Variants in WNK2 observed in about 807,000 individuals in gnomAD.
The protein encoded by WNK2 is WNK lysine deficient protein kinase 2, also known as serine/threonine-protein kinase WNK2.
Under a neutral mutation model 192.1 loss-of-function variants are expected in WNK2, and 67 were observed. That is an observed-to-expected ratio of 0.35 (90% CI 0.29 to 0.43). The LOEUF is 0.43. Among genes scored for constraint, WNK2 ranks in the 20% least tolerant of loss-of-function variants. The pLI, the probability that WNK2 is intolerant of heterozygous loss-of-function variation, is 1.00. For missense variants in WNK2, 2,698 were observed against 3,089.7 expected (o/e 0.87, Z 3.01); for synonymous variants, 1,439 against 1,393.9 (o/e 1.03, Z -0.72).
rs781555142 is a variant in WNK2, at chr9:93,257,067, G to A, written c.2310G>A (p.Gly770=). 5 of 1,606,790 alleles carry A rather than the reference G, an allele frequency of 3.1e-6. No individual in the cohort carries two copies. In the East Asian group the frequency reaches 9.0e-5, roughly 29 times the overall value. The change falls in exon 11 of 30, where the codon GGG becomes GGA. Residue 770 remains glycine (G), a synonymous_variant. Transcript: ENST00000427277. This position sits in a 1 kb window ranked among gnomAD's most constrained non-coding sequence, Gnocchi z 4.7. ...ACCTGGCTCCAGCCTCCCAGGTGGGGGCCCCCGCTCAGCTGAAGCCCCTCC... is the reference window on the plus strand; with the variant it reads ...ACCTGGCTCCAGCCTCCCAGGTGGGAGCCCCCGCTCAGCTGAAGCCCCTCC... ...PPYLAPASQV[G]APAQLKPLQM...
chr9:93,185,304 C>T lies in WNK2; in HGVS notation c.375C>T (p.Gly125=), dbSNP rs918927375. The T allele has an allele frequency of 3.3e-6, 5 of 1,505,326 alleles. No individual in the cohort carries two copies. In the African/African-American group the frequency reaches 7.0e-5, roughly 21 times the overall value. The allele number at this position is 1,505,326 out of a possible 1,614,324, so 93.2% of individuals were successfully genotyped here. A position where few individuals can be genotyped will look rare whatever the true frequency, so the allele number is the denominator to read the frequency against. ...GPEPVGTQEP[G]PDPIAAAVET... is the part of the protein sequence containing the mutation. ...AGCCCGTGGGCACGCAGGAGCCCGG[C>T]CCGGACCCCATCGCAGCCGCTGTCG... The change falls in exon 2 of 30, where the codon GGC becomes GGT. Residue 125 remains glycine (G), a synonymous_variant. Coordinates refer to ENST00000427277, the MANE Select transcript of WNK2 (RefSeq NM_006648.4).
chr9:93,293,205 G>C, intron 23 of WNK2, 32 bp downstream of exon 23: 1 of 1,414,022 alleles, frequency 7.1e-7, no homozygotes. Flanking sequence ...TGTTGCCCCC[G>C]CCCCTGGGCC....
At chr9:93,312,595 G>T (rs1853859947) in intron 28 of WNK2, among the ~76,000 whole-genome samples, 1 of 152,000 alleles carries the variant, frequency 6.6e-6, no homozygotes, top group Non-Finnish European at 1.5e-5. Flanking sequence ...GGCCAGGATG[G>T]TCTCGATCCC....
In WNK2 at chr9:93,259,521, G is replaced by A; in HGVS notation, c.2973G>A (p.Val991=). 1 of 1,579,468 alleles carries A rather than the reference G, an allele frequency of 6.3e-7. No homozygotes were observed. The highest frequency in any genetic ancestry group is 8.5e-7 in the Non-Finnish European group (1 of 1,169,980). Residue 991 remains valine, a synonymous_variant, in exon 12 of 30, where the codon GTG becomes GTA. Coordinates refer to ENST00000427277, the MANE Select transcript of WNK2 (RefSeq NM_006648.4). This position sits in a 1 kb window ranked among gnomAD's most constrained non-coding sequence, Gnocchi z 4.8. ...AACCCATGCTGCCCCCACAACCTGTGCTGCCCCCGCAGCCGGCACTGCCTG... is the reference window on the plus strand; with the variant it reads ...AACCCATGCTGCCCCCACAACCTGTACTGCCCCCGCAGCCGGCACTGCCTG... ...PPQPMLPPQP[V]LPPQPALPVR...
chr9:93,236,002 A>G (rs1270015827), intron 5 of WNK2, among the ~76,000 whole-genome samples: 1 of 152,178 alleles, frequency 6.6e-6, no homozygotes, highest in African/African-American at 2.4e-5. Context: ...GTGGGAGGGC[A>G]GACAGAGTCC....
chr9:93,308,941 G>T, intron 28 of WNK2: 1 of 1,110,362 alleles, frequency 9.0e-7, no homozygotes. Flanking sequence ...CCTGAGTTCT[G>T]TTTGTGCCCA....
chr9:93,314,416 C>T (rs1854231601), intron 28 of WNK2, among the ~76,000 whole-genome samples: 1 of 151,132 alleles, frequency 6.6e-6, no homozygotes, highest in Admixed American at 6.6e-5. Context: ...CCACTGCACT[C>T]CAGCCTGGCG....
intron 21 of WNK2, among the ~76,000 whole-genome samples, chr9:93,290,786 C>T (rs1299898201): frequency 6.6e-6 from 1 of 152,254 alleles, no homozygotes; most frequent in African/African-American, 2.4e-5. Flanking sequence ...GTGGGGCTTT[C>T]CCTTGTGGCT....
chr9:93,203,835 G>A (rs968805654), intron 2 of WNK2, among the ~76,000 whole-genome samples: 4 of 152,134 alleles, frequency 2.6e-5, no homozygotes, highest in African/African-American at 7.2e-5. Context: ...GATTGAAGCC[G>A]GGGGAGGCTG....
intron 28 of WNK2, among the ~76,000 whole-genome samples, chr9:93,314,808 C>T (rs1372048975): frequency 2.0e-5 from 3 of 152,110 alleles, no homozygotes; most frequent in Non-Finnish European, 2.9e-5. Context: ...CATGGAAACT[C>T]TTGCAAAATC....
Position 93,185,425 on chromosome 9 carries a change from G to C in WNK2, c.496G>C (p.Gly166Arg), listed in dbSNP as rs746380289. ...GGCGGCCGAGGCGAAGCCTGAGCCCGGGCGCACTCGCCGGGACGAGCCCGA... is the reference window on the plus strand; with the variant it reads ...GGCGGCCGAGGCGAAGCCTGAGCCCCGGCGCACTCGCCGGGACGAGCCCGA... ...EGAAEAKPEP[G>R]RTRRDEPEEE... Residue 166 changes from glycine (G) to arginine (R), a missense_variant, in exon 2 of 30, where the codon GGG becomes CGG. Gly to Arg is a moderately radical substitution (Grantham distance 125, BLOSUM62 -2). This residue lies in a region of WNK2 where 260 missense variants were observed against 285.6 expected (regional missense o/e 0.91). Coordinates refer to ENST00000427277, the MANE Select transcript of WNK2 (RefSeq NM_006648.4). 1 of 1,610,998 alleles carries C rather than the reference G, an allele frequency of 6.2e-7. No individual in the cohort carries two copies. The highest frequency in any genetic ancestry group is 1.1e-5 in the South Asian group (1 of 90,890).
At chr9:93,251,702 T>A (rs941802686) in intron 8 of WNK2, among the ~76,000 whole-genome samples, 1 of 152,062 alleles carries the variant, frequency 6.6e-6, no homozygotes, top group Non-Finnish European at 1.5e-5. Context: ...AGTGAGACCT[T>A]GTCTCAAAAA....
intron 19 of WNK2, among the ~76,000 whole-genome samples, chr9:93,273,377 G>A (rs185467433): frequency 6.6e-6 from 1 of 152,274 alleles, no homozygotes; most frequent in Non-Finnish European, 1.5e-5. Context: ...GGATGGTCTC[G>A]ACTCTTGACC....
rs1258048881 is a variant in WNK2, at chr9:93,267,925, G to A, written c.3867+9G>A. 2 of 1,611,764 alleles carry A rather than the reference G, an allele frequency of 1.2e-6. No homozygotes were observed. Among genetic ancestry groups the A allele is most frequent in the Non-Finnish European group, 1.7e-6 (2 of 1,178,900 alleles). ...GCCTGGGCACCGGGGAGGTGAGGTT[G>A]TGAAATCCGGGGTGGGAGGTGGTGA... On this transcript the variant is annotated intron_variant, in intron 17 of 29. Transcript: ENST00000427277.
At position 93,256,405 on chromosome 9, in the gene WNK2, G is replaced by A; in HGVS notation, c.2141G>A (p.Ser714Asn). The A allele has an allele frequency of 1.3e-6, 2 of 1,546,082 alleles. No homozygotes were observed. Among genetic ancestry groups the A allele is most frequent in the South Asian group, 2.4e-5 (2 of 84,374 alleles). ...MSFAPVLPPP[S>N]TPMPTGPGQP... ...TTCGCCCCCGTGCTGCCGCCGCCCAGCACCCCCATGCCCACGGGCCCAGGC... is the reference window on the plus strand; with the variant it reads ...TTCGCCCCCGTGCTGCCGCCGCCCAACACCCCCATGCCCACGGGCCCAGGC... Residue 714 changes from serine (S) to asparagine (N), a missense_variant, in exon 10 of 30, where the codon AGC (serine) becomes AAC (asparagine). By Grantham distance (46) the Ser-to-Asn change is conservative. Coordinates refer to ENST00000427277, the MANE Select transcript of WNK2 (RefSeq NM_006648.4).
intron 5 of WNK2, 78 bp downstream of exon 5, chr9:93,235,043 G>T (rs970987578): frequency 1.3e-6 from 2 of 1,536,502 alleles, no homozygotes; most frequent in South Asian, 1.2e-5. Context: ...GCTCCATGTG[G>T]CTCTGTAAAG....
intron 2 of WNK2, among the ~76,000 whole-genome samples, chr9:93,220,697 C>A (rs1038109279): frequency 6.6e-6 from 1 of 152,164 alleles, no homozygotes; most frequent in African/African-American, 2.4e-5. Context: ...GAAGGAAGGA[C>A]CACATCTGGT....
At chr9:93,211,988 G>A (rs576227725) in intron 2 of WNK2, among the ~76,000 whole-genome samples, 1 of 151,004 alleles carries the variant, frequency 6.6e-6, no homozygotes, top group Admixed American at 6.6e-5. Context: ...CCACTCATCT[G>A]CCCCATTCAC....
In WNK2 at chr9:93,185,369, C is replaced by T; in HGVS notation, c.440C>T (p.Ala147Val). The T allele has an allele frequency of 2.5e-6, 4 of 1,574,176 alleles. No individual in the cohort carries two copies. Among genetic ancestry groups the T allele is most frequent in the Non-Finnish European group, 3.4e-6 (4 of 1,162,684 alleles). The change falls in exon 2 of 30, where the codon GCG becomes GTG. Residue 147 changes from alanine (A) to valine (V), a missense_variant. Ala to Val is a moderately conservative substitution (Grantham distance 64, BLOSUM62 0). Around this residue, in one of 7 missense-constraint regions of WNK2, gnomAD observed 260 missense variants for 285.6 expected, o/e 0.91. Transcript: ENST00000427277. ...PAPDGGPREE[A>V]AATVRKEDEG... ...CCCGACGGCGGCCCCAGGGAGGAGGCGGCGGCGACCGTGAGGAAGGAGGAT... is the reference window on the plus strand; with the variant it reads ...CCCGACGGCGGCCCCAGGGAGGAGGTGGCGGCGACCGTGAGGAAGGAGGAT...
Sources: allele counts gnomAD v4.1 joint callset (sites outside exome capture counted in the v4.1 genomes callset), GRCh38; gene constraint gnomAD v4.1.1; regional missense constraint gnomAD v4.1.1; non-coding constraint Gnocchi (gnomAD v3.1); transcripts MANE v1.5; gene names NCBI Gene and HGNC (gene_info 2026-07-23, HGNC 2026-07-21).